EXOC6B: variants seen among roughly 807,000 people sequenced by gnomAD.
EXOC6B encodes SEC15 homolog B.
A neutral mutation model predicts 113.5 loss-of-function variants in EXOC6B; 54 were observed. The ratio of observed to expected loss-of-function variants is 0.48; its 90% CI spans 0.38 to 0.60. EXOC6B has a LOEUF of 0.60. Ranked by LOEUF, EXOC6B falls within the 20% of genes least tolerant of loss-of-function variation. The pLI, the probability that EXOC6B is intolerant of heterozygous loss-of-function variation, is 0.00. For missense variants in EXOC6B, 797 were observed against 977.5 expected (o/e 0.82, Z 2.46); for synonymous variants, 357 against 339.0 (o/e 1.05, Z -0.58).
chr2:72,689,524 A>G (rs1677334760), intron 6 of EXOC6B, among the ~76,000 whole-genome samples: 1 of 152,210 alleles, frequency 6.6e-6, no homozygotes, highest in Non-Finnish European at 1.5e-5. Flanking sequence ...ATAATCTTTC[A>G]GTTTCATATC....
intron 6 of EXOC6B, among the ~76,000 whole-genome samples, chr2:72,634,110 A>G (rs1318659861): frequency 6.6e-6 from 1 of 152,138 alleles, no homozygotes; most frequent in East Asian, 1.9e-4. Flanking sequence ...AGAAAAGAAG[A>G]AGGCAGTGGT....
At chr2:72,477,485 G>A (rs375597902) in intron 17 of EXOC6B, among the ~76,000 whole-genome samples, 1 of 152,076 alleles carries the variant, frequency 6.6e-6, no homozygotes, top group Non-Finnish European at 1.5e-5. Context: ...TCTCTTGCCT[G>A]GAGTATTGCA....
At chr2:72,316,497 A>G (rs1225360005) in intron 20 of EXOC6B, among the ~76,000 whole-genome samples, 1 of 152,224 alleles carries the variant, frequency 6.6e-6, no homozygotes, top group African/African-American at 2.4e-5. Flanking sequence ...TAATAAGATT[A>G]AAGTAAACTG....
At chr2:72,223,359 A>G (rs543782395) in intron 20 of EXOC6B, among the ~76,000 whole-genome samples, 35 of 152,352 alleles carry the variant, frequency 2.3e-4, no homozygotes, top group African/African-American at 8.2e-4. Context: ...TAAAAATCTG[A>G]GTTATCCCTT....
rs1425687543 is a variant in EXOC6B at position 72,633,324 on chromosome 2, A to T, written c.670-57656T>A. ...TGTATGTTGTTGTTGTTGTTGTTGG[A>T]AGAAATTAGCCAGGATCACACAATG... On this transcript the variant is annotated intron_variant, in intron 6 of 21. Transcript: ENST00000272427. Among the ~76,000 whole-genome samples, 3 of 152,110 alleles carry T rather than the reference A, an allele frequency of 2.0e-5. No homozygotes were observed. The East Asian group carries it at 5.8e-4, about 29-fold the overall frequency.
intron 19 of EXOC6B, among the ~76,000 whole-genome samples, chr2:72,370,415 G>T (rs1468960322): frequency 2.6e-5 from 4 of 152,160 alleles, no homozygotes. Context: ...CTGTTGGTGG[G>T]ACTGTAAACC....
At chr2:72,195,491 A>C (rs1484708221) in intron 20 of EXOC6B, among the ~76,000 whole-genome samples, 8 of 152,206 alleles carry the variant, frequency 5.3e-5, no homozygotes, top group Non-Finnish European at 1.2e-4. Context: ...TAGGAGAAGA[A>C]GGTAGGAGCC....
chr2:72,401,566 CATATATATATATATACATAT>C lies in EXOC6B; in HGVS notation c.1981-21716_1981-21697del, dbSNP rs1693236559. Among the ~76,000 whole-genome samples, 55 of 14,872 alleles carry C rather than the reference CATATATATATATATACATAT, an allele frequency of 3.7e-3. 2 individuals are homozygous for C. The highest frequency in any genetic ancestry group is 5.5e-3 in the Non-Finnish European group (46 of 8,438). 9.8% of individuals were successfully genotyped at this position (14,872 alleles called of 152,430 possible). ...ATATGTGTATATATATATATATATA[CATATATATATATATACATAT>C]ATATATATATATATATGTGTATATA... On this transcript the variant is annotated intron_variant, in intron 18 of 21. Coordinates refer to ENST00000272427, the MANE Select transcript of EXOC6B (RefSeq NM_015189.3).
chr2:72,661,287 C>A (rs1307833850), intron 6 of EXOC6B, among the ~76,000 whole-genome samples: 1 of 141,128 alleles, frequency 7.1e-6, no homozygotes, highest in Non-Finnish European at 1.5e-5. Flanking sequence ...ATCAATGGCA[C>A]ATAAAGATTA....
chr2:72,684,381 A>C (rs1046999327), intron 6 of EXOC6B, among the ~76,000 whole-genome samples: 1 of 152,234 alleles, frequency 6.6e-6, no homozygotes, highest in African/African-American at 2.4e-5. Flanking sequence ...GAAGTACAGC[A>C]ATTGAGGAAA....
intron 6 of EXOC6B, among the ~76,000 whole-genome samples, chr2:72,610,878 C>T (rs1302050250): frequency 6.6e-6 from 1 of 152,168 alleles, no homozygotes; most frequent in Non-Finnish European, 1.5e-5. Flanking sequence ...ACAAACACCA[C>T]CTTCCTTGTG....
At chr2:72,321,911 C>A (rs1572910368) in intron 20 of EXOC6B, among the ~76,000 whole-genome samples, 1 of 152,028 alleles carries the variant, frequency 6.6e-6, no homozygotes, top group Admixed American at 6.6e-5. Flanking sequence ...AACAAATGAA[C>A]AAAATACTGT....
intron 5 of EXOC6B, among the ~76,000 whole-genome samples, chr2:72,727,521 A>C (rs1200957877): frequency 2.0e-5 from 3 of 152,190 alleles, no homozygotes; most frequent in Non-Finnish European, 4.4e-5. Flanking sequence ...AACATGATTG[A>C]GACAATTGGC....
At chr2:72,372,575 G>A (rs1691096238) in intron 19 of EXOC6B, among the ~76,000 whole-genome samples, 1 of 152,156 alleles carries the variant, frequency 6.6e-6, no homozygotes, top group African/African-American at 2.4e-5. Context: ...ACTGGGCGTG[G>A]TGGCTCACAC....
intron 7 of EXOC6B, among the ~76,000 whole-genome samples, chr2:72,561,807 G>T (rs1703901219): frequency 6.6e-6 from 1 of 152,110 alleles, no homozygotes; most frequent in Admixed American, 6.5e-5. Flanking sequence ...TGAGGCTGTT[G>T]TGACATCATT....
intron 10 of EXOC6B, among the ~76,000 whole-genome samples, chr2:72,514,006 G>A (rs2105677349): frequency 6.6e-6 from 1 of 152,082 alleles, no homozygotes; most frequent in Non-Finnish European, 1.5e-5. Context: ...TCATTATTTT[G>A]CAATTAGAAC....
At chr2:72,405,596 A>C (rs1356719216) in intron 18 of EXOC6B, among the ~76,000 whole-genome samples, 4 of 152,182 alleles carry the variant, frequency 2.6e-5, no homozygotes, top group African/African-American at 9.7e-5. Flanking sequence ...CATATCCAGC[A>C]AAACGAAGCT....
chr2:72,633,456 T>A (rs984828073), intron 6 of EXOC6B, among the ~76,000 whole-genome samples: 3 of 152,090 alleles, frequency 2.0e-5, no homozygotes, highest in African/African-American at 7.2e-5. Flanking sequence ...ACTTCCCCCA[T>A]GCCCTATATC....
chr2:72,682,729 G>A (rs569971079), intron 6 of EXOC6B, among the ~76,000 whole-genome samples: 34 of 152,198 alleles, frequency 2.2e-4, no homozygotes, highest in African/African-American at 4.1e-4. Context: ...AAACAAAGCC[G>A]AAAAGAAAAT....
Sources: allele counts gnomAD v4.1 joint callset (sites outside exome capture counted in the v4.1 genomes callset), GRCh38; gene constraint gnomAD v4.1.1; transcripts MANE v1.5; gene names NCBI Gene and HGNC (gene_info 2026-07-23, HGNC 2026-07-21).